The following UPF2 variants were observed in gnomAD, a reference collection of about 807,000 sequenced individuals.
UPF2 encodes regulator of nonsense transcripts 2.
UPF2 carries 17 observed loss-of-function variants against 141.4 expected under a neutral mutation model. The ratio of observed to expected loss-of-function variants is 0.12; its 90% CI spans 0.08 to 0.18. The LOEUF (loss-of-function observed/expected upper bound fraction) is 0.18, where lower values mean the gene tolerates loss of function less well. Among genes scored for constraint, UPF2 ranks in the 10% least tolerant of loss-of-function variants. UPF2 has a pLI of 1.00. For synonymous variants in UPF2, 540 were observed against 498.0 expected, an observed-to-expected ratio of 1.08 and a Z score of -1.12; for missense variants, 1,152 against 1,515.9, an observed-to-expected ratio of 0.76 and a Z score of 3.99.
chr10:12,011,550 G>A lies in UPF2; in HGVS notation c.1306+2474C>T, dbSNP rs186307904. Among the ~76,000 whole-genome samples the A allele has an allele frequency of 2.9e-3, 442 of 152,172 alleles. 4 individuals are homozygous for A. The highest frequency in any genetic ancestry group is 4.9e-3 in the Non-Finnish European group (336 of 67,998). Reference sequence around the variant, plus strand: ...TGGGATGCAGAGGTTGCAGTGAGCCGGGACTGCACCATCGCATTCCAGCCT... The same window carrying A: ...TGGGATGCAGAGGTTGCAGTGAGCCAGGACTGCACCATCGCATTCCAGCCT... On this transcript the variant is annotated intron_variant, in intron 4 of 21. Coordinates refer to ENST00000357604, the MANE Select transcript of UPF2 (RefSeq NM_015542.4).
chr10:11,952,390 G>C, intron 14 of UPF2, 141 bp from the exon 15 acceptor site: 1 of 684,640 alleles, frequency 1.5e-6, no homozygotes, highest in East Asian at 2.9e-5. Context: ...TCTATTAATG[G>C]TCAACAGCAA....
chr10:11,985,986 G>A (rs538300872), intron 8 of UPF2, among the ~76,000 whole-genome samples: 1 of 141,006 alleles, frequency 7.1e-6, no homozygotes, highest in Admixed American at 7.9e-5. Flanking sequence ...CCGGGTTCAC[G>A]CCATTCTCCT....
intron 21 of UPF2, among the ~76,000 whole-genome samples, chr10:11,925,231 T>C (rs1040819940): frequency 3.3e-5 from 5 of 152,228 alleles, no homozygotes; most frequent in Non-Finnish European, 2.9e-5. Flanking sequence ...TTTAGGAGCA[T>C]TGACTATAAA....
chr10:11,994,772 C>T (rs1207984517), intron 8 of UPF2, among the ~76,000 whole-genome samples: 10 of 151,822 alleles, frequency 6.6e-5, no homozygotes, highest in Admixed American at 3.9e-4. Context: ...GTCAGGAGAT[C>T]GAAACCATCC....
At chr10:11,924,851 C>T (rs1421123973) in intron 21 of UPF2, among the ~76,000 whole-genome samples, 3 of 152,070 alleles carry the variant, frequency 2.0e-5, no homozygotes, top group South Asian at 2.1e-4. Flanking sequence ...TAGAGTTTCG[C>T]TCTTGTTGCC....
intron 21 of UPF2, chr10:11,923,119 G>C (rs535899721): frequency 1.3e-5 from 2 of 152,304 alleles, no homozygotes; most frequent in African/African-American, 4.8e-5. Context: ...GCTAAGTGTA[G>C]GCCACACACC....
chr10:12,007,755 C>T (rs12412438), intron 4 of UPF2, among the ~76,000 whole-genome samples: 7,945 of 151,424 alleles, frequency 0.052, 286 homozygotes, highest in Non-Finnish European at 0.08. Flanking sequence ...GGTGTGAACC[C>T]GGGGAGCAGA....
At chr10:11,960,162 A>C (rs1833216961) in intron 11 of UPF2, among the ~76,000 whole-genome samples, 1 of 152,208 alleles carries the variant, frequency 6.6e-6, no homozygotes, top group Non-Finnish European at 1.5e-5. Flanking sequence ...CCAGTGGAGA[A>C]CCACTGACAA....
At chr10:11,947,408 C>T (rs902512285) in intron 16 of UPF2, among the ~76,000 whole-genome samples, 2 of 152,084 alleles carry the variant, frequency 1.3e-5, no homozygotes, top group African/African-American at 2.4e-5. Flanking sequence ...AAGCAAAGCT[C>T]ATTAATATCT....
intron 9 of UPF2, among the ~76,000 whole-genome samples, chr10:11,970,187 C>A (rs1833392349): frequency 6.6e-6 from 1 of 152,124 alleles, no homozygotes; most frequent in Admixed American, 6.6e-5. Flanking sequence ...AGTGACTACA[C>A]TTCACTTGGT....
chr10:12,020,888 C>G (rs149091337), intron 3 of UPF2, among the ~76,000 whole-genome samples: 18 of 152,312 alleles, frequency 1.2e-4, no homozygotes, highest in African/African-American at 4.3e-4. Flanking sequence ...TAATTATCCA[C>G]TTTGTATGTT....
rs10650923 is a variant in UPF2, at chr10:11,990,678, CAAAAAAAAAA to C, written c.1844+6984_1844+6993del. On this transcript the variant is annotated intron_variant, in intron 8 of 21. Transcript: ENST00000357604. Reference sequence around the variant, plus strand: ...CTGGGTGAAGAGCAAGACTCTGTCTCAAAAAAAAAAAAAAAAAGGAAACCTGTTGACCAGG... The same window carrying C: ...CTGGGTGAAGAGCAAGACTCTGTCTCAAAAAAAGGAAACCTGTTGACCAGG... Among the ~76,000 whole-genome samples the C allele has an allele frequency of 4.3e-4, 42 of 98,032 alleles. No individual in the cohort carries two copies. The South Asian group carries it at 0.015, about 34-fold the overall frequency. 64.3% of individuals were successfully genotyped at this position (98,032 alleles called of 152,430 possible).
intron 1 of UPF2, chr10:12,035,718 C>A (rs1237318883): frequency 4.2e-6 from 1 of 240,928 alleles, no homozygotes; most frequent in African/African-American, 2.3e-5. Flanking sequence ...ATATAAGGAA[C>A]CTCCACGTAC....
intron 4 of UPF2, among the ~76,000 whole-genome samples, chr10:12,013,664 A>G (rs1435505740): frequency 6.6e-6 from 1 of 152,128 alleles, no homozygotes; most frequent in Non-Finnish European, 1.5e-5. Flanking sequence ...TCATATTATC[A>G]TGAGTTATTA....
chr10:11,955,557 T>C (rs1259183488), intron 13 of UPF2, 50 bp from the exon 14 acceptor site: 1 of 1,528,066 alleles, frequency 6.5e-7, no homozygotes, highest in Admixed American at 2.0e-5. Flanking sequence ...GTAGTGTATA[T>C]GAAAACAGGT....
At chr10:11,986,611 CG>C (rs1268317122) in intron 8 of UPF2, among the ~76,000 whole-genome samples, 2 of 152,152 alleles carry the variant, frequency 1.3e-5, no homozygotes, top group East Asian at 3.9e-4. Context: ...TGTGAAAGAA[CG>C]CTGTTACGGT....
At chr10:11,969,114 G>A (rs1833370827) in intron 9 of UPF2, among the ~76,000 whole-genome samples, 1 of 151,778 alleles carries the variant, frequency 6.6e-6, no homozygotes, top group African/African-American at 2.4e-5. Flanking sequence ...CATCCGCCTA[G>A]GCTTCCCAAA....
chr10:11,944,738 T>C (rs1564339845), intron 16 of UPF2, among the ~76,000 whole-genome samples: 1 of 152,204 alleles, frequency 6.6e-6, no homozygotes, highest in Non-Finnish European at 1.5e-5. Flanking sequence ...GAATGTAGCA[T>C]GCATTAATTT....
chr10:11,998,424 C>T lies in UPF2; in HGVS notation c.1759-667G>A, dbSNP rs1382306993. ...CTGAGACAAGGTCTCACTCTGTCAC[C>T]CAGGCTGGGGTGCAGTGGCACAATC... On this transcript the variant is annotated intron_variant, in intron 7 of 21. Transcript: ENST00000357604. The surrounding 1 kb of genome is among the most constrained non-coding windows in gnomAD (Gnocchi z 4.5). Among the ~76,000 whole-genome samples the T allele has an allele frequency of 2.0e-5, 3 of 152,110 alleles. No homozygotes were observed. Among genetic ancestry groups the T allele is most frequent in the Non-Finnish European group, 2.9e-5 (2 of 68,022 alleles).
Sources: allele counts gnomAD v4.1 joint callset (sites outside exome capture counted in the v4.1 genomes callset), GRCh38; gene constraint gnomAD v4.1.1; non-coding constraint Gnocchi (gnomAD v3.1); transcripts MANE v1.5; gene names NCBI Gene and HGNC (gene_info 2026-07-23, HGNC 2026-07-21).